Variants in NEK9 observed in about 807,000 individuals in gnomAD.
NEK9 encodes serine/threonine-protein kinase Nek9.
NEK9 carries 75 observed loss-of-function variants against 123.4 expected under a neutral mutation model. The ratio of observed to expected loss-of-function variants is 0.61; its 90% confidence interval spans 0.50 to 0.74. The LOEUF (loss-of-function observed/expected upper bound fraction) is 0.74. NEK9 is among the 30% of genes least tolerant of loss of function. The pLI is 0.00. For synonymous variants in NEK9, 438 were observed against 458.7 expected (o/e 0.95, Z 0.58); for missense variants, 952 against 1,214.4 (o/e 0.78, Z 3.21).
chr14:75,093,149 G>T (rs1237897229), intron 18 of NEK9, among the ~76,000 whole-genome samples: 3 of 152,126 alleles, frequency 2.0e-5, no homozygotes, highest in Non-Finnish European at 4.4e-5. Flanking sequence ...TAAACTTAAA[G>T]AGAATTAAAA....
At chr14:75,089,493 TG>T (rs1418897013) in intron 19 of NEK9, among the ~76,000 whole-genome samples, 1 of 151,878 alleles carries the variant, frequency 6.6e-6, no homozygotes, top group Non-Finnish European at 1.5e-5. Context: ...CCTCCCAAAG[TG>T]CTGGGATTAC....
chr14:75,095,719 A>G (rs191607417), intron 17 of NEK9, among the ~76,000 whole-genome samples: 2 of 152,068 alleles, frequency 1.3e-5, no homozygotes, highest in African/African-American at 4.8e-5. Flanking sequence ...GCAAAACCCA[A>G]TCTCTAAAAA....
chr14:75,104,103 T>C, intron 13 of NEK9, 106 bp from the exon 14 acceptor site: 1 of 1,151,276 alleles, frequency 8.7e-7, no homozygotes, highest in Non-Finnish European at 1.2e-6. Context: ...GCAGAATGAC[T>C]ACAGGAAAGT....
chr14:75,100,791 C>T (rs912786302), intron 16 of NEK9, among the ~76,000 whole-genome samples: 1 of 152,210 alleles, frequency 6.6e-6, no homozygotes, highest in Non-Finnish European at 1.5e-5. Context: ...ATCTAGAAAT[C>T]TGGCCTTTAA....
intron 4 of NEK9, among the ~76,000 whole-genome samples, chr14:75,119,732 T>C (rs1277237335): frequency 6.6e-6 from 1 of 152,198 alleles, no homozygotes; most frequent in Non-Finnish European, 1.5e-5. Flanking sequence ...CATTTAGTCA[T>C]CTAAATAAAA....
intron 10 of NEK9, among the ~76,000 whole-genome samples, 167 bp downstream of exon 10, chr14:75,109,518 C>A (rs1185606217): frequency 6.6e-6 from 1 of 152,208 alleles, no homozygotes; most frequent in East Asian, 1.9e-4. Context: ...GGGCATACAT[C>A]AGTGAACTAA....
At chr14:75,106,476 G>A (rs1408085947) in intron 12 of NEK9, 26 bp downstream of exon 12, 1 of 1,607,112 alleles carries the variant, frequency 6.2e-7, no homozygotes, top group South Asian at 1.1e-5. Context: ...CTGTGAAGAA[G>A]TGGACAGAGA....
At chr14:75,123,425 TAAA>T (rs200486653) in intron 2 of NEK9, among the ~76,000 whole-genome samples, 1 of 151,596 alleles carries the variant, frequency 6.6e-6, no homozygotes, top group Admixed American at 6.6e-5. Flanking sequence ...ATAATAATAA[TAAA>T]AATAAAATGA....
At chr14:75,113,447 G>T in intron 7 of NEK9, 44 bp from the exon 8 acceptor site, 3 of 1,427,196 alleles carry the variant, frequency 2.1e-6, no homozygotes, top group Non-Finnish European at 3.0e-6. Context: ...ATGGAAATGG[G>T]CGACATCGGA....
chr14:75,097,966 G>A (rs1894443602), intron 16 of NEK9, among the ~76,000 whole-genome samples: 1 of 152,288 alleles, frequency 6.6e-6, no homozygotes. Context: ...GCTCACATAG[G>A]GCCAGTCGGG....
At position 75,080,382 on chromosome 14, in the gene NEK9, C is replaced by G. The variant is rs1033475006; in HGVS notation, c.*4182G>C. ...AATATCTTTCATCTTTTAAATTTAT[C>G]TTGATCTGGTCTCTGGGAAGAGATA... On this transcript the variant is annotated 3_prime_UTR_variant, in exon 22 of 22. Transcript: ENST00000238616. 2.0e-5 allele frequency: 3 copies of G among 151,468 alleles called. No individual in the cohort carries two copies. Among genetic ancestry groups the G allele is most frequent in the African/African-American group, 7.3e-5 (3 of 41,210 alleles). The allele number at this position is 151,468 out of a possible 1,614,324, so 9.4% of individuals were successfully genotyped here. A position where few individuals can be genotyped will look rare whatever the true frequency, so the allele number is the denominator to read the frequency against.
chr14:75,091,947 G>C (rs1894231373), intron 18 of NEK9, among the ~76,000 whole-genome samples: 2 of 151,982 alleles, frequency 1.3e-5, no homozygotes, highest in Middle Eastern at 3.4e-3. Context: ...TTAACTCCCT[G>C]TCCGGGGAAA....
In NEK9 at chr14:75,087,491, G is replaced by A. The variant is rs1894066948; in HGVS notation, c.2605-261C>T. Among the ~76,000 whole-genome samples, 3 of 152,188 alleles carry A rather than the reference G, an allele frequency of 2.0e-5. No homozygotes were observed. The South Asian group carries it at 6.2e-4, about 31-fold the overall frequency. On this transcript the variant is annotated intron_variant, in intron 20 of 21. Coordinates refer to ENST00000238616, the MANE Select transcript of NEK9 (RefSeq NM_033116.6). ...AATCATCTATTTTGGAGGACTTTGT[G>A]AAAAATTTTAAAGCACCTTGGTATC...
Position 75,110,391 on chromosome 14 carries a change from G to T in NEK9, c.939-20C>A, listed in dbSNP as rs1221977930. The T allele has an allele frequency of 1.3e-6, 2 of 1,598,356 alleles. No individual in the cohort carries two copies. The highest frequency in any genetic ancestry group is 2.2e-5 in the South Asian group (2 of 90,664). On this transcript the variant is annotated intron_variant, in intron 8 of 21. Coordinates refer to ENST00000238616, the MANE Select transcript of NEK9 (RefSeq NM_033116.6). ...ATCTCTCTACCAAAAGAAAAGCAAA[G>T]ATACATGAGTGAAATAATAGGTTTT...
chr14:75,081,015 C>T lies in NEK9; in HGVS notation c.*3549G>A, dbSNP rs1893855967. The stretch of plus-strand genomic sequence containing the variant: ...CTGGAGTACCGTGGCGCAATCTCAG[C>T]TCACTGCAAACTCCGCCTCCTGGGT... On this transcript the variant is annotated 3_prime_UTR_variant, in exon 22 of 22. Coordinates refer to ENST00000238616, the MANE Select transcript of NEK9 (RefSeq NM_033116.6). This position sits in a 1 kb window ranked among gnomAD's most constrained non-coding sequence, Gnocchi z 4.2. The T allele has an allele frequency of 6.6e-6, 1 of 151,840 alleles. No individual in the cohort carries two copies. The highest frequency in any genetic ancestry group is 1.5e-5 in the Non-Finnish European group (1 of 68,052). 9.4% of individuals were successfully genotyped at this position (151,840 alleles called of 1,614,324 possible). A position where few individuals can be genotyped will look rare whatever the true frequency, so the allele number is the denominator to read the frequency against.
rs1893927100 is a variant in NEK9 at position 75,083,536 on chromosome 14, A to G, written c.*1028T>C. The G allele has an allele frequency of 1.3e-5, 2 of 154,334 alleles. No homozygotes were observed. The highest frequency in any genetic ancestry group is 2.1e-4 in the South Asian group (1 of 4,848). 9.6% of individuals were successfully genotyped at this position (154,334 alleles called of 1,614,324 possible). A position where few individuals can be genotyped will look rare whatever the true frequency, so the allele number is the denominator to read the frequency against. ...TTCATTCGTTACCACATGGCTTCAT[A>G]AAACACCAAAAGGGGAAAAATACTG... is the stretch of plus-strand genomic sequence containing the variant. On this transcript the variant is annotated 3_prime_UTR_variant, in exon 22 of 22. Transcript: ENST00000238616.
chr14:75,118,195 C>T (rs1895202026), intron 5 of NEK9, among the ~76,000 whole-genome samples: 2 of 151,996 alleles, frequency 1.3e-5, no homozygotes, highest in African/African-American at 4.8e-5. Context: ...GCAGGCAAAC[C>T]TTGACATTAT....
intron 2 of NEK9, 25 bp downstream of exon 2, chr14:75,124,021 A>G: frequency 3.8e-6 from 6 of 1,584,742 alleles, no homozygotes; most frequent in Non-Finnish European, 3.5e-6. Context: ...TCTTGCTGGA[A>G]AAGTCCCACT....
intron 5 of NEK9, 136 bp downstream of exon 5, chr14:75,118,694 A>G: frequency 1.6e-6 from 1 of 613,722 alleles, no homozygotes; most frequent in Non-Finnish European, 2.8e-6. Context: ...CCCAGGAAAA[A>G]GACTTCTGAA....
Sources: gnomAD v4.1 joint callset for allele counts (sites outside exome capture counted in the v4.1 genomes callset) on GRCh38, gnomAD v4.1.1 for gene constraint, Gnocchi (gnomAD v3.1) non-coding constraint, MANE v1.5 for transcripts, NCBI Gene and HGNC (gene_info 2026-07-23, HGNC 2026-07-21) for gene names.